The following ZBP1 variants were observed in gnomAD, a reference collection of about 807,000 sequenced individuals.
ZBP1 encodes the protein Z-DNA-binding protein 1.
In ZBP1, 42 loss-of-function variants were observed where a neutral mutation model predicts 41.1. That is an observed-to-expected ratio of 1.02 (90% CI 0.80 to 1.32). The LOEUF (loss-of-function observed/expected upper bound fraction) is 1.32. ZBP1 is among the 40% of genes most tolerant of loss of function. The pLI is 0.00. For missense variants in ZBP1, 562 were observed against 549.7 expected, an observed-to-expected ratio of 1.02 and a Z score of -0.22; for synonymous variants, 214 against 205.2, an observed-to-expected ratio of 1.04 and a Z score of -0.37.
chr20:57,617,694 C>CA (rs11484408), intron 1 of ZBP1: 82,192 of 151,706 alleles, frequency 0.54, 25,154 homozygotes, highest in South Asian at 0.74. Flanking sequence ...CCCATCTCTA[C>CA]AAAAAAAGAG....
At chr20:57,608,822 C>T (rs995824940) in intron 7 of ZBP1, among the ~76,000 whole-genome samples, 8 of 152,356 alleles carry the variant, frequency 5.3e-5, no homozygotes, top group Middle Eastern at 3.4e-3. Flanking sequence ...ACTTCCAGGA[C>T]ATGCATCCCC....
intron 1 of ZBP1, among the ~76,000 whole-genome samples, chr20:57,619,780 G>A (rs574225439): frequency 2.0e-5 from 3 of 152,034 alleles, no homozygotes; most frequent in South Asian, 4.2e-4. Flanking sequence ...AGCATGTTTC[G>A]AGGTGCCTGG....
intron 3 of ZBP1, 185 bp from the exon 4 acceptor site, chr20:57,615,245 G>T: frequency 2.8e-6 from 2 of 718,966 alleles, no homozygotes; most frequent in Non-Finnish European, 4.6e-6. Context: ...TGGGGGATGT[G>T]CACAGAGTGC....
rs1161614646 is a variant in ZBP1 at position 57,608,147 on chromosome 20, A to C, written c.1093+2002T>G. 5.9e-5 allele frequency among the ~76,000 whole-genome samples: 9 copies of C among 151,360 alleles called. No individual in the cohort carries two copies. The South Asian group carries it at 1.9e-3, about 32-fold the overall frequency. On this transcript the variant is annotated intron_variant, in intron 7 of 7. Coordinates refer to ENST00000371173, the MANE Select transcript of ZBP1 (RefSeq NM_030776.3). ...TGACCATTTTTTTTTTTTGAGACAGAGTCTTGCTCTGTCGCCCAGGCTGGA... is the reference window on the plus strand; with the variant it reads ...TGACCATTTTTTTTTTTTGAGACAGCGTCTTGCTCTGTCGCCCAGGCTGGA...
In ZBP1 at chr20:57,614,978, T is replaced by A; in HGVS notation, c.411A>T (p.Ala137=). The change falls in exon 4 of 8, where the codon GCA becomes GCT. Residue 137 remains alanine, a synonymous_variant. Coordinates refer to ENST00000371173, the MANE Select transcript of ZBP1 (RefSeq NM_030776.3). ...VIAQALGMRT[A]KDVNRDLYRM... ...TGTACAAGTCTCGGTTCACATCTTTTGCTGTCCTCATTCCCAGTGCTTGGG... is the reference window on the plus strand; with the variant it reads ...TGTACAAGTCTCGGTTCACATCTTTAGCTGTCCTCATTCCCAGTGCTTGGG... 5 of 1,614,230 alleles carry A rather than the reference T, an allele frequency of 3.1e-6. No individual in the cohort carries two copies. Among genetic ancestry groups the A allele is most frequent in the Non-Finnish European group, 4.2e-6 (5 of 1,180,040 alleles).
intron 1 of ZBP1, chr20:57,616,719 C>T (rs1025092304): frequency 6.1e-5 from 31 of 507,106 alleles, no homozygotes; most frequent in Admixed American, 2.3e-4. Flanking sequence ...GGTGCCACCT[C>T]GCCTGTGCCC....
intron 4 of ZBP1, among the ~76,000 whole-genome samples, 162 bp downstream of exon 4, chr20:57,614,725 C>T (rs1295114652): frequency 6.6e-6 from 1 of 152,216 alleles, no homozygotes; most frequent in African/African-American, 2.4e-5. Context: ...ATCTTGCCAG[C>T]ACACCCCTTC....
intron 6 of ZBP1, 69 bp downstream of exon 6, chr20:57,611,657 TG>T: frequency 6.8e-7 from 1 of 1,464,504 alleles, no homozygotes. Flanking sequence ...AAAAAGATTC[TG>T]GCTCCAGTTC....
At chr20:57,609,240 C>A (rs932843311) in intron 7 of ZBP1, among the ~76,000 whole-genome samples, 2 of 152,234 alleles carry the variant, frequency 1.3e-5, no homozygotes, top group Non-Finnish European at 2.9e-5. Flanking sequence ...CAGCTGCCCC[C>A]ACCCGAGGCC....
rs2070649079 is a variant in ZBP1 at position 57,610,916 on chromosome 20, C to A, written c.875-549G>T. On this transcript the variant is annotated intron_variant, in intron 6 of 7. Transcript: ENST00000371173. The surrounding 1 kb of genome is among the most constrained non-coding windows in gnomAD (Gnocchi z 5.5). Reference sequence around the variant, plus strand: ...TGAACCCCACAGATGCTTCCCTGGTCTCACCAGCCTGGCCCCTCTCTGGAG... The same window carrying A: ...TGAACCCCACAGATGCTTCCCTGGTATCACCAGCCTGGCCCCTCTCTGGAG... Among the ~76,000 whole-genome samples the A allele has an allele frequency of 1.3e-5, 2 of 151,856 alleles. No individual in the cohort carries two copies. Among genetic ancestry groups the A allele is most frequent in the African/African-American group, 4.8e-5 (2 of 41,296 alleles).
Position 57,613,452 on chromosome 20 carries a change from CAGT to C in ZBP1, c.503-125_503-123del, listed in dbSNP as rs2070732199. ...TTAAAATACCCTGGGCGTTCCGAGT[CAGT>C]AGGGCCAAGTGGGAGGCCAGAGCTG... On this transcript the variant is annotated intron_variant, in intron 4 of 7. Transcript: ENST00000371173. This position sits in a 1 kb window ranked among gnomAD's most constrained non-coding sequence, Gnocchi z 4.5. 2 of 1,061,502 alleles carry C rather than the reference CAGT, an allele frequency of 1.9e-6. No homozygotes were observed. The highest frequency in any genetic ancestry group is 4.8e-5 in the East Asian group (2 of 41,974). The allele number at this position is 1,061,502 out of a possible 1,614,324, so 65.8% of individuals were successfully genotyped here. A position where few individuals can be genotyped will look rare whatever the true frequency, so the allele number is the denominator to read the frequency against.
intron 1 of ZBP1, among the ~76,000 whole-genome samples, chr20:57,619,444 A>G (rs2070939500): frequency 1.3e-5 from 2 of 152,238 alleles, no homozygotes; most frequent in Non-Finnish European, 2.9e-5. Context: ...CTTCACCTAC[A>G]GTCCACAGCG....
intron 1 of ZBP1, chr20:57,617,594 C>T (rs1233088742): frequency 4.6e-5 from 7 of 152,308 alleles, no homozygotes; most frequent in Non-Finnish European, 7.3e-5. Flanking sequence ...TGGTGGCTCA[C>T]ACTTGTAATC....
In ZBP1 at chr20:57,604,501, A is replaced by T. The variant is rs1178151320; in HGVS notation, c.*72T>A. 2 of 1,555,318 alleles carry T rather than the reference A, an allele frequency of 1.3e-6. No individual in the cohort carries two copies. The highest frequency in any genetic ancestry group is 3.4e-5 in the Admixed American group (2 of 59,686). On this transcript the variant is annotated 3_prime_UTR_variant, in exon 8 of 8. Coordinates refer to ENST00000371173, the MANE Select transcript of ZBP1 (RefSeq NM_030776.3). ...TCAAACAAGACGCTAAGGAATGCAG[A>T]GAGCAGCAGGCTAGTCTCCCTAGCA...
In ZBP1 at chr20:57,604,719, C is replaced by A. The variant is rs1247362759; in HGVS notation, c.1144G>T (p.Gly382Cys). ...QSRSHFPRDI[G>C]QPITPSHSKL... ...GAGTGGCTGGGAGTGATGGGCTGACCAATGTCTCGAGGAAAGTGACTTCTG... is the reference window on the plus strand; with the variant it reads ...GAGTGGCTGGGAGTGATGGGCTGACAAATGTCTCGAGGAAAGTGACTTCTG... Residue 382 changes from glycine (G) to cysteine (C), a missense_variant, in exon 8 of 8, where the codon GGT becomes TGT. Transcript: ENST00000371173. 1.2e-6 allele frequency: 2 copies of A among 1,614,138 alleles called. No individual in the cohort carries two copies. The highest frequency in any genetic ancestry group is 1.3e-5 in the African/African-American group (1 of 75,026).
Position 57,614,927 on chromosome 20 carries a change from G to C in ZBP1, c.462C>G (p.Asp154Glu), listed in dbSNP as rs143551979. 1.2e-6 allele frequency: 2 copies of C among 1,614,190 alleles called. No homozygotes were observed. Among genetic ancestry groups the C allele is most frequent in the Non-Finnish European group, 1.7e-6 (2 of 1,180,040 alleles). ...TCCATGCTTTGGACTGCTCATCCAT[G>C]TCCAGAAGGTGCCTGCTCTTCATCC... is the stretch of plus-strand genomic sequence containing the variant. The part of the protein sequence containing the change: ...LYRMKSRHLL[D>E]MDEQSKAWTI... The change falls in exon 4 of 8, where the codon GAC (aspartate) becomes GAG (glutamate). Residue 154 changes from aspartate to glutamate, a missense_variant. By Grantham distance (45) the Asp-to-Glu change is conservative. Transcript: ENST00000371173.
At chr20:57,611,689 G>A in intron 6 of ZBP1, 38 bp downstream of exon 6, 1 of 1,578,848 alleles carries the variant, frequency 6.3e-7, no homozygotes, top group South Asian at 1.2e-5. Context: ...GGACCCACGG[G>A]GTGGCAGAGT....
At chr20:57,619,419 A>G (rs2070938485) in intron 1 of ZBP1, among the ~76,000 whole-genome samples, 1 of 152,144 alleles carries the variant, frequency 6.6e-6, no homozygotes, top group African/African-American at 2.4e-5. Flanking sequence ...ACATCCCCCA[A>G]ACCGCAAAAC....
intron 4 of ZBP1, among the ~76,000 whole-genome samples, chr20:57,614,508 A>C (rs1006812264): frequency 5.3e-5 from 8 of 152,130 alleles, no homozygotes; most frequent in African/African-American, 1.7e-4. Context: ...TCCAGCCGGT[A>C]GGGGTCCAAG....
Sources: allele counts gnomAD v4.1 joint callset (sites outside exome capture counted in the v4.1 genomes callset), GRCh38; gene constraint gnomAD v4.1.1; non-coding constraint Gnocchi (gnomAD v3.1); transcripts MANE v1.5; gene names NCBI Gene and HGNC (gene_info 2026-07-23, HGNC 2026-07-21).